Variants in ADRA1B observed in about 807,000 individuals in gnomAD.
The protein encoded by ADRA1B is alpha-1B adrenergic receptor.
Under a neutral mutation model 17.9 loss-of-function variants are expected in ADRA1B, and 17 were observed. That is an observed-to-expected ratio of 0.95 (90% CI 0.65 to 1.42). ADRA1B has a LOEUF of 1.42. Among genes scored for constraint, ADRA1B ranks in the 40% most tolerant of loss-of-function variants. The probability of loss-of-function intolerance (pLI) is 0.00; values close to 1 mark genes in which losing one functional copy is unlikely to be tolerated. For missense variants in ADRA1B, 681 were observed against 722.1 expected (o/e 0.94, Z 0.65); for synonymous variants, 366 against 327.6 (o/e 1.12, Z -1.27).
At chr5:159,871,970 T>A (rs1045837812) in intron 1 of ADRA1B, among the ~76,000 whole-genome samples, 1 of 152,150 alleles carries the variant, frequency 6.6e-6, no homozygotes, top group Non-Finnish European at 1.5e-5. Flanking sequence ...CCTACTACTT[T>A]ATGTACTCAT....
intron 1 of ADRA1B, among the ~76,000 whole-genome samples, chr5:159,873,943 G>A (rs995947199): frequency 2.0e-5 from 3 of 152,172 alleles, no homozygotes; most frequent in Non-Finnish European, 4.4e-5. Flanking sequence ...ACAACCATCA[G>A]CTTTTTAACC....
In ADRA1B at chr5:159,972,383, C is replaced by G; in HGVS notation, c.1454C>G (p.Pro485Arg). ...AAGCTCCTGACCGAGCCCGAGAGCCCCGGGACCGACGGCGGCGCCAGCAAC... is the reference window on the plus strand; with the variant it reads ...AAGCTCCTGACCGAGCCCGAGAGCCGCGGGACCGACGGCGGCGCCAGCAAC... ...TFKLLTEPES[P>R]GTDGGASNGG... Residue 485 changes from proline to arginine, a missense_variant, in exon 2 of 2, where the codon CCC becomes CGC. By Grantham distance (103) the Pro-to-Arg change is moderately radical. Transcript: ENST00000306675. 6.6e-7 allele frequency: 1 copy of G among 1,513,078 alleles called. No homozygotes were observed. The allele number at this position is 1,513,078 out of a possible 1,614,324, so 93.7% of individuals were successfully genotyped here. A position where few individuals can be genotyped will look rare whatever the true frequency, so the allele number is the denominator to read the frequency against.
intron 1 of ADRA1B, chr5:159,951,361 A>T: frequency 9.4e-7 from 1 of 1,064,084 alleles, no homozygotes; most frequent in Non-Finnish European, 1.4e-6. Flanking sequence ...TCATACTCGA[A>T]CATGTAAACC....
rs1754336735 is a variant in ADRA1B, at chr5:159,917,123, A to G, written c.218A>G (p.Asn73Ser). The change falls in exon 1 of 2, where the codon AAC (asparagine) becomes AGC (serine). Residue 73 changes from asparagine (N) to serine (S), a missense_variant. By Grantham distance (46) the Asn-to-Ser change is conservative. This residue lies in a region of ADRA1B where 424 missense variants were observed against 480.2 expected (regional missense o/e 0.88). Coordinates refer to ENST00000306675, the MANE Select transcript of ADRA1B (RefSeq NM_000679.4). The stretch of plus-strand genomic sequence containing the variant: ...CTAGTCATCTTGTCTGTGGCCTGCA[A>G]CCGGCACCTGCGGACGCCCACCAAC... ...NILVILSVACNRHLRTPTNYF... is the reference protein window; with the variant it reads ...NILVILSVACSRHLRTPTNYF... The G allele has an allele frequency of 1.2e-6, 2 of 1,613,934 alleles. No individual in the cohort carries two copies. Among genetic ancestry groups the G allele is most frequent in the Admixed American group, 1.7e-5 (1 of 59,998 alleles).
chr5:159,971,784 G>A, intron 1 of ADRA1B, 95 bp from the exon 2 acceptor site: 1 of 1,256,894 alleles, frequency 8.0e-7, no homozygotes, highest in Non-Finnish European at 1.0e-6. Flanking sequence ...AACGCTGCAG[G>A]TTGACAATGT....
intron 1 of ADRA1B, among the ~76,000 whole-genome samples, chr5:159,935,178 G>A (rs182235775): frequency 1.8e-4 from 28 of 152,114 alleles, no homozygotes. Flanking sequence ...CGGGAAAATT[G>A]TCTGTTAAAA....
At chr5:159,902,600 C>G (rs1193090652) in intron 1 of ADRA1B, among the ~76,000 whole-genome samples, 1 of 152,230 alleles carries the variant, frequency 6.6e-6, no homozygotes, top group Non-Finnish European at 1.5e-5. Flanking sequence ...AGGCCCCACC[C>G]TGGGTGACAT....
At chr5:159,910,374 C>T (rs1754215963) in intron 1 of ADRA1B, among the ~76,000 whole-genome samples, 1 of 152,204 alleles carries the variant, frequency 6.6e-6, no homozygotes, top group South Asian at 2.1e-4. Flanking sequence ...CTGTGCCATG[C>T]TGCAGAAACA....
At chr5:159,936,267 G>A (rs977871192) in intron 1 of ADRA1B, among the ~76,000 whole-genome samples, 1 of 152,182 alleles carries the variant, frequency 6.6e-6, no homozygotes, top group Non-Finnish European at 1.5e-5. Context: ...GTCAATCATT[G>A]TTGAAGTGGA....
chr5:159,937,796 C>T (rs1289905902), intron 1 of ADRA1B: 1 of 152,168 alleles, frequency 6.6e-6, no homozygotes, highest in Non-Finnish European at 1.5e-5. Flanking sequence ...ATCACACTGC[C>T]CATTGAGGAT....
intron 1 of ADRA1B, among the ~76,000 whole-genome samples, chr5:159,919,542 G>A (rs891710682): frequency 6.6e-6 from 1 of 152,246 alleles, no homozygotes; most frequent in Non-Finnish European, 1.5e-5. Context: ...ACTTAGCACA[G>A]TATCTGGTGT....
intron 1 of ADRA1B, among the ~76,000 whole-genome samples, chr5:159,925,302 G>A (rs1470296410): frequency 6.6e-6 from 1 of 152,174 alleles, no homozygotes; most frequent in Non-Finnish European, 1.5e-5. Flanking sequence ...AAATAATTGG[G>A]TCGTTCCTCT....
intron 1 of ADRA1B, among the ~76,000 whole-genome samples, chr5:159,874,905 A>G (rs1371763389): frequency 6.6e-6 from 1 of 152,298 alleles, no homozygotes; most frequent in East Asian, 1.9e-4. Context: ...TGTATTTTCC[A>G]TGGGATATTT....
At chr5:159,986,255 C>T in the ADRA1B span, among the ~76,000 whole-genome samples, 1 of 152,158 alleles carries the variant, frequency 6.6e-6, no homozygotes, top group East Asian at 1.9e-4. Flanking sequence ...CCACCATGAT[C>T]TTCTAATCTT....
At chr5:159,937,988 T>G (rs761113083) in intron 1 of ADRA1B, among the ~76,000 whole-genome samples, 4 of 152,154 alleles carry the variant, frequency 2.6e-5, no homozygotes, top group Non-Finnish European at 5.9e-5. Flanking sequence ...TTCCCACACC[T>G]CAGTGCTCTC....
At chr5:159,881,299 TTCTCTCTCTCTCTCTCTC>T (rs11471058) in intron 1 of ADRA1B, among the ~76,000 whole-genome samples, 4 of 131,982 alleles carry the variant, frequency 3.0e-5, no homozygotes, top group African/African-American at 5.8e-5. Context: ...TATCAGAAAG[TTCTCTCTCTCTCTCTCTC>T]TCTCTCTCTC....
intron 1 of ADRA1B, chr5:159,948,550 CAA>C: frequency 1.1e-6 from 1 of 884,666 alleles, no homozygotes; most frequent in Non-Finnish European, 1.4e-6. Context: ...ATCAGAAAAA[CAA>C]AAAAAGATAG....
chr5:159,926,276 G>T (rs1020268432), intron 1 of ADRA1B, among the ~76,000 whole-genome samples: 1 of 151,864 alleles, frequency 6.6e-6, no homozygotes, highest in Non-Finnish European at 1.5e-5. Context: ...CACCTTTCTC[G>T]CGAAGTCTTC....
chr5:159,889,326 C>T (rs959173469), intron 1 of ADRA1B, among the ~76,000 whole-genome samples: 1 of 151,804 alleles, frequency 6.6e-6, no homozygotes, highest in African/African-American at 2.4e-5. Context: ...TATCCTCCCT[C>T]TCCCCATCAC....
Sources: allele counts gnomAD v4.1 joint callset (sites outside exome capture counted in the v4.1 genomes callset), GRCh38; gene constraint gnomAD v4.1.1; regional missense constraint gnomAD v4.1.1; transcripts MANE v1.5; gene names NCBI Gene and HGNC (gene_info 2026-07-23, HGNC 2026-07-21).